The following YJU2 variants were observed in gnomAD, a reference collection of about 807,000 sequenced individuals.
YJU2 encodes the protein YJU2 splicing factor homolog.
Under a neutral mutation model 39.6 loss-of-function variants are expected in YJU2, and 28 were observed. That is an observed-to-expected ratio of 0.71 (90% CI 0.52 to 0.97). The LOEUF is 0.97. Ranked by LOEUF, YJU2 falls within the 50% of genes least tolerant of loss-of-function variation. The pLI is 0.00. For synonymous variants in YJU2, 184 were observed against 182.4 expected (o/e 1.01, Z -0.07); for missense variants, 328 against 430.4 (o/e 0.76, Z 2.11).
intron 4 of YJU2, among the ~76,000 whole-genome samples, chr19:4,256,079 C>T (rs536389566): frequency 8.0e-5 from 12 of 149,932 alleles, no homozygotes; most frequent in East Asian, 5.9e-4. Flanking sequence ...GAGGCTGAGG[C>T]GGGAGGATCA....
In YJU2 at chr19:4,258,432, G is replaced by A; in HGVS notation, c.587+9G>A. On this transcript the variant is annotated intron_variant, in intron 5 of 7. Coordinates refer to ENST00000262962, the MANE Select transcript of YJU2 (RefSeq NM_018074.6). ...GACGAGCAGGAGACCGCGTGAGTCAGGGCCGGCCCAACCCAGCCCCACCTC... is the reference window on the plus strand; with the variant it reads ...GACGAGCAGGAGACCGCGTGAGTCAAGGCCGGCCCAACCCAGCCCCACCTC... The A allele has an allele frequency of 1.3e-6, 2 of 1,573,716 alleles. No homozygotes were observed. Among genetic ancestry groups the A allele is most frequent in the African/African-American group, 1.3e-5 (1 of 74,694 alleles).
At chr19:4,267,043 G>GC (rs1243104578) in intron 6 of YJU2, among the ~76,000 whole-genome samples, 1 of 152,122 alleles carries the variant, frequency 6.6e-6, no homozygotes, top group Non-Finnish European at 1.5e-5. Flanking sequence ...TTTTCTACCT[G>GC]CCCCTAACTC....
chr19:4,257,229 A>G (rs1971028749), intron 4 of YJU2, among the ~76,000 whole-genome samples: 1 of 152,080 alleles, frequency 6.6e-6, no homozygotes, highest in African/African-American at 2.4e-5. Flanking sequence ...GAGATGGCAT[A>G]TGGAAACCTC....
intron 6 of YJU2, 133 bp from the exon 7 acceptor site, chr19:4,267,491 A>C (rs900654908): frequency 1.1e-6 from 1 of 927,772 alleles, no homozygotes; most frequent in Non-Finnish European, 1.6e-6. Context: ...AGAGGAGTTT[A>C]GAGCAGAGGA....
chr19:4,247,441 T>A, intron 1 of YJU2: 1 of 373,992 alleles, frequency 2.7e-6, no homozygotes, highest in Non-Finnish European at 4.8e-6. Context: ...CAGATAGGGT[T>A]TTTTTTCTGG....
intron 6 of YJU2, among the ~76,000 whole-genome samples, chr19:4,264,141 A>G (rs1457629905): frequency 6.6e-6 from 1 of 150,798 alleles, no homozygotes; most frequent in Non-Finnish European, 1.5e-5. Flanking sequence ...GGGCGCCTGT[A>G]GTCCCAGCTA....
At chr19:4,252,110 C>T (rs1314958577) in intron 3 of YJU2, among the ~76,000 whole-genome samples, 1 of 152,106 alleles carries the variant, frequency 6.6e-6, no homozygotes, top group African/African-American at 2.4e-5. Flanking sequence ...ATTTTCTCTT[C>T]CTATGCTTAA....
Position 4,267,750 on chromosome 19 carries a change from C to T in YJU2, c.835C>T (p.Gln279Ter). The stretch of plus-strand genomic sequence containing the variant: ...GGCCGACCCGGACTGCAGCAACGGG[C>T]AGCCTCAGGCGGCCCCCACCCCAGG... ...AKADPDCSNG[Q>*]PQAAPTPGAP... Residue 279 changes from glutamine to a stop codon, truncating the protein, a stop_gained, in exon 7 of 8, where the codon CAG becomes TAG. Coordinates refer to ENST00000262962, the MANE Select transcript of YJU2 (RefSeq NM_018074.6). LOFTEE classifies it low-confidence loss of function (END_TRUNC). 6.2e-7 allele frequency: 1 copy of T among 1,612,578 alleles called. No individual in the cohort carries two copies. The highest frequency in any genetic ancestry group is 8.5e-7 in the Non-Finnish European group (1 of 1,179,644).
intron 5 of YJU2, among the ~76,000 whole-genome samples, chr19:4,259,370 C>T (rs541090262): frequency 7.2e-5 from 11 of 151,828 alleles, no homozygotes; most frequent in African/African-American, 1.9e-4. Context: ...TGAGCCACCG[C>T]GCCCGGACGA....
intron 4 of YJU2, among the ~76,000 whole-genome samples, chr19:4,255,228 A>T (rs139189028): frequency 7.6e-4 from 115 of 152,044 alleles, no homozygotes; most frequent in African/African-American, 2.6e-3. Flanking sequence ...TGTCTCAAAA[A>T]AAATAAATAA....
rs997915429 is a variant in YJU2, at chr19:4,256,389, C to T, written c.406-1853C>T. ...GCAAGCCACATCAGACCAGATACAACATTTTCCATGGCCATGCAGAGCAAC... is the reference window on the plus strand; with the variant it reads ...GCAAGCCACATCAGACCAGATACAATATTTTCCATGGCCATGCAGAGCAAC... On this transcript the variant is annotated intron_variant, in intron 4 of 7. Coordinates refer to ENST00000262962, the MANE Select transcript of YJU2 (RefSeq NM_018074.6). Among the ~76,000 whole-genome samples the T allele has an allele frequency of 3.9e-5, 6 of 151,972 alleles. No homozygotes were observed. The East Asian group carries it at 1.2e-3, about 29-fold the overall frequency.
At chr19:4,249,705 TTTC>T (rs1335039655) in intron 2 of YJU2, among the ~76,000 whole-genome samples, 2 of 150,958 alleles carry the variant, frequency 1.3e-5, no homozygotes, top group East Asian at 3.9e-4. Flanking sequence ...ACTTTCTTTC[TTTC>T]TTTTTTTTTT....
chr19:4,258,930 A>G (rs978349134), intron 5 of YJU2, among the ~76,000 whole-genome samples: 4 of 152,108 alleles, frequency 2.6e-5, no homozygotes, highest in Admixed American at 2.6e-4. Context: ...TGGTGTTTGC[A>G]GGAACAGCTG....
intron 4 of YJU2, among the ~76,000 whole-genome samples, 159 bp downstream of exon 4, chr19:4,254,648 A>C (rs1261735544): frequency 6.6e-6 from 1 of 151,950 alleles, no homozygotes; most frequent in Non-Finnish European, 1.5e-5. Context: ...GGCCAGGCAT[A>C]GTGGCTCATG....
At chr19:4,259,301 G>C (rs1053173238) in intron 5 of YJU2, among the ~76,000 whole-genome samples, 21 of 151,806 alleles carry the variant, frequency 1.4e-4, no homozygotes, top group African/African-American at 2.7e-4. Flanking sequence ...GGATGGTCTC[G>C]ATCTCCTGAC....
intron 5 of YJU2, among the ~76,000 whole-genome samples, chr19:4,259,136 G>A (rs1376123157): frequency 6.9e-6 from 1 of 145,466 alleles, no homozygotes; most frequent in African/African-American, 2.6e-5. Context: ...AGGCTGGAGG[G>A]CAGTGGCGCC....
chr19:4,263,438 C>A (rs1599502360), intron 6 of YJU2, among the ~76,000 whole-genome samples: 1 of 152,270 alleles, frequency 6.6e-6, no homozygotes, highest in East Asian at 1.9e-4. Flanking sequence ...AGCATAGTCA[C>A]AAGGCCCCAT....
chr19:4,247,306 C>A, intron 1 of YJU2, 136 bp downstream of exon 1: 1 of 742,652 alleles, frequency 1.3e-6, no homozygotes, highest in Non-Finnish European at 2.3e-6. Flanking sequence ...GCTTCCCAGA[C>A]TCCTCCCTAG....
intron 4 of YJU2, among the ~76,000 whole-genome samples, chr19:4,257,735 A>C (rs568647732): frequency 2.0e-5 from 3 of 152,158 alleles, no homozygotes; most frequent in Non-Finnish European, 4.4e-5. Context: ...CGGCCTCCCA[A>C]AGTGCTGGGA....
Sources: allele counts gnomAD v4.1 joint callset (sites outside exome capture counted in the v4.1 genomes callset), GRCh38; gene constraint gnomAD v4.1.1; transcripts MANE v1.5; gene names NCBI Gene and HGNC (gene_info 2026-07-23, HGNC 2026-07-21).